PHACTR3: variants seen among roughly 807,000 people sequenced by gnomAD.
PHACTR3 encodes the protein protein phosphatase 1, regulatory subunit 123.
PHACTR3 carries 16 observed loss-of-function variants against 66.8 expected under a neutral mutation model. The observed-to-expected ratio is 0.24, with a 90% CI of 0.16 to 0.36. The LOEUF (loss-of-function observed/expected upper bound fraction) is 0.36, where lower values mean the gene tolerates loss of function less well. Among genes scored for constraint, PHACTR3 ranks in the 10% least tolerant of loss-of-function variants. The pLI is 1.00. For synonymous variants in PHACTR3, 323 were observed against 292.1 expected (o/e 1.11, Z -1.08); for missense variants, 647 against 719.9 (o/e 0.90, Z 1.16).
chr20:59,831,481 G>C lies in PHACTR3; in HGVS notation c.1329-5024G>C, dbSNP rs189649406. On this transcript the variant is annotated intron_variant, in intron 8 of 12. Coordinates refer to ENST00000371015, the MANE Select transcript of PHACTR3 (RefSeq NM_080672.5). ...CACACTCAGGCTTTCTCAGTGGGGA[G>C]AGTCAGAAATAGACTGTGGCTTCCC... 7.3e-3 allele frequency among the ~76,000 whole-genome samples: 1,105 copies of C among 152,334 alleles called. 13 individuals carry two copies. Among genetic ancestry groups the C allele is most frequent in the Non-Finnish European group, 0.012 (833 of 68,030 alleles).
intron 1 of PHACTR3, among the ~76,000 whole-genome samples, chr20:59,712,125 G>T (rs562584484): frequency 2.1e-4 from 32 of 152,048 alleles, no homozygotes; most frequent in Admixed American, 5.9e-4. Flanking sequence ...TTTCTTTTAA[G>T]CTTAAAAATT....
chr20:59,608,888 C>T (rs1025930014), intron 1 of PHACTR3, among the ~76,000 whole-genome samples: 3 of 152,234 alleles, frequency 2.0e-5, no homozygotes, highest in South Asian at 2.1e-4. Flanking sequence ...TGGACTGTCC[C>T]TTCTAGACTG....
intron 10 of PHACTR3, among the ~76,000 whole-genome samples, chr20:59,840,852 CA>C (rs1402914050): frequency 6.6e-6 from 1 of 152,180 alleles, no homozygotes; most frequent in Non-Finnish European, 1.5e-5. Context: ...TTATTAGACT[CA>C]AAGGTTTGTT....
chr20:59,604,178 G>A (rs558912048), upstream of PHACTR3, among the ~76,000 whole-genome samples: 2 of 152,268 alleles, frequency 1.3e-5, no homozygotes, highest in African/African-American at 4.8e-5. Context: ...CCCCTCCGGT[G>A]CCGGGGTGGG....
intron 1 of PHACTR3, among the ~76,000 whole-genome samples, chr20:59,623,307 G>A (rs2034327598): frequency 6.6e-6 from 1 of 152,030 alleles, no homozygotes; most frequent in African/African-American, 2.4e-5. Context: ...CTCCTCTTTG[G>A]CCTCAGTTTC....
At chr20:59,729,560 C>T (rs1256243621) in intron 1 of PHACTR3, among the ~76,000 whole-genome samples, 4 of 152,130 alleles carry the variant, frequency 2.6e-5, no homozygotes, top group African/African-American at 4.8e-5. Flanking sequence ...CTGGCCCTCC[C>T]TGTGGGCACA....
At chr20:59,771,648 A>G (rs2040365455) in intron 5 of PHACTR3, among the ~76,000 whole-genome samples, 1 of 148,300 alleles carries the variant, frequency 6.7e-6, no homozygotes, top group African/African-American at 2.5e-5. Context: ...CTCCTTCTCT[A>G]TTCTACAATC....
intron 8 of PHACTR3, among the ~76,000 whole-genome samples, chr20:59,831,190 C>T (rs2042362644): frequency 6.6e-6 from 1 of 152,196 alleles, no homozygotes; most frequent in African/African-American, 2.4e-5. Flanking sequence ...CCAGAAATGA[C>T]TCACATCCAC....
At position 59,806,046 on chromosome 20, in the gene PHACTR3, C is replaced by T; in HGVS notation, c.1180C>T (p.Leu394=). The change falls in exon 8 of 13, where the codon CTG becomes TTG. Residue 394 remains leucine (L), a synonymous_variant. Coordinates refer to ENST00000371015, the MANE Select transcript of PHACTR3 (RefSeq NM_080672.5). ...ALNDSIISGT[L]PRKCKKELLA... ...GCCCTGGATGGGGCTTTTAGGAACA[C>T]TGCCACGGAAATGCAAGAAGGAGCT... 1 of 1,613,716 alleles carries T rather than the reference C, an allele frequency of 6.2e-7. No individual in the cohort carries two copies. The highest frequency in any genetic ancestry group is 8.5e-7 in the Non-Finnish European group (1 of 1,179,786).
Position 59,786,562 on chromosome 20 carries a change from G to A in PHACTR3, c.1174+12072G>A, listed in dbSNP as rs76277867. ...CAACAGGTCAGGGTGGCCATTGTGC[G>A]CGGCATGGCACTTAGCACAGCTGAG... On this transcript the variant is annotated intron_variant, in intron 7 of 12. Coordinates refer to ENST00000371015, the MANE Select transcript of PHACTR3 (RefSeq NM_080672.5). Among the ~76,000 whole-genome samples, 553 of 152,348 alleles carry A rather than the reference G, an allele frequency of 3.6e-3. 4 individuals are homozygous for A. The highest frequency in any genetic ancestry group is 0.017 in the Middle Eastern group (5 of 294).
intron 1 of PHACTR3, among the ~76,000 whole-genome samples, chr20:59,643,928 C>A (rs187027174): frequency 7.4e-4 from 113 of 152,230 alleles, no homozygotes; most frequent in African/African-American, 2.6e-3. Context: ...GTTTGGTGGA[C>A]TTGTTAGAGA....
chr20:59,751,838 C>T (rs997576312), intron 3 of PHACTR3, among the ~76,000 whole-genome samples: 14 of 152,154 alleles, frequency 9.2e-5, no homozygotes, highest in South Asian at 2.1e-4. Context: ...CTTCCACCCT[C>T]GTCTCGGATA....
At position 59,845,269 on chromosome 20, in the gene PHACTR3, AG is replaced by A. The variant is rs1349091548; in HGVS notation, c.1664+5del. 1.3e-6 allele frequency: 2 copies of A among 1,597,782 alleles called. No homozygotes were observed. The highest frequency in any genetic ancestry group is 1.7e-6 in the Non-Finnish European group (2 of 1,166,512). The stretch of plus-strand genomic sequence containing the variant: ...CATCAAGCAAGCACTTGACAAGGTC[AG>A]ATTTGTTTCTGTGAATTTCATGGTA... On this transcript the variant is annotated splice_donor_5th_base_variant and intron_variant, in intron 12 of 12. Transcript: ENST00000371015.
intron 1 of PHACTR3, among the ~76,000 whole-genome samples, chr20:59,643,365 G>C (rs1463283757): frequency 1.3e-5 from 2 of 152,008 alleles, no homozygotes; most frequent in Admixed American, 1.3e-4. Flanking sequence ...TGACTTCCTT[G>C]TTCCTTTAAA....
intron 1 of PHACTR3, among the ~76,000 whole-genome samples, chr20:59,656,874 CTT>C (rs1489640900): frequency 6.6e-6 from 1 of 151,892 alleles, no homozygotes; most frequent in Non-Finnish European, 1.5e-5. Flanking sequence ...TTCATACTAA[CTT>C]AATTTCAGTT....
intron 7 of PHACTR3, among the ~76,000 whole-genome samples, chr20:59,793,782 G>T (rs1464357172): frequency 6.6e-6 from 1 of 150,896 alleles, no homozygotes; most frequent in African/African-American, 2.4e-5. Context: ...TAGCCTAATT[G>T]CTCTGGCTAG....
intron 4 of PHACTR3, among the ~76,000 whole-genome samples, chr20:59,757,621 A>C (rs1336006283): frequency 6.6e-6 from 1 of 152,102 alleles, no homozygotes; most frequent in African/African-American, 2.4e-5. Flanking sequence ...TCGGTGGTGA[A>C]AGGGTGGGGC....
chr20:59,584,771 C>T (rs1009136758), intron 1 of PHACTR3, among the ~76,000 whole-genome samples: 5 of 152,136 alleles, frequency 3.3e-5, no homozygotes, highest in African/African-American at 1.2e-4. Flanking sequence ...GGAGTGTACC[C>T]ATCTGTCAAG....
intron 7 of PHACTR3, among the ~76,000 whole-genome samples, chr20:59,793,059 ATT>A (rs11478257): frequency 0.039 from 5,898 of 151,078 alleles, 380 homozygotes; most frequent in African/African-American, 0.14. Context: ...TAATTTTTGT[ATT>A]TTTTTTTTGT....
Sources: allele counts gnomAD v4.1 joint callset (sites outside exome capture counted in the v4.1 genomes callset), GRCh38; gene constraint gnomAD v4.1.1; transcripts MANE v1.5; gene names NCBI Gene and HGNC (gene_info 2026-07-23, HGNC 2026-07-21).